The following TANGO6 variants were observed in gnomAD, a reference collection of about 807,000 sequenced individuals.
The protein encoded by TANGO6 is transport and Golgi organization protein 6 homolog.
Under a neutral mutation model 114.2 loss-of-function variants are expected in TANGO6, and 90 were observed. The observed-to-expected ratio is 0.79, with a 90% confidence interval of 0.66 to 0.94. The LOEUF (loss-of-function observed/expected upper bound fraction) is 0.94, where lower values mean the gene tolerates loss of function less well. TANGO6 is among the 40% of genes least tolerant of loss of function. The pLI is 0.00. For missense variants in TANGO6, 1,274 were observed against 1,315.3 expected, an observed-to-expected ratio of 0.97 and a Z score of 0.49; for synonymous variants, 477 against 509.8, an observed-to-expected ratio of 0.94 and a Z score of 0.87.
At chr16:68,907,233 C>T (rs1962864443) in intron 9 of TANGO6, among the ~76,000 whole-genome samples, 1 of 151,870 alleles carries the variant, frequency 6.6e-6, no homozygotes, top group Non-Finnish European at 1.5e-5. Context: ...AGGCGTGAGC[C>T]ACCGCGCCTG....
At chr16:68,987,796 G>A (rs1021793618) in intron 15 of TANGO6, among the ~76,000 whole-genome samples, 1 of 152,220 alleles carries the variant, frequency 6.6e-6, no homozygotes, top group Non-Finnish European at 1.5e-5. Context: ...TTTGTTCAAA[G>A]TGAATGGATG....
chr16:68,982,012 G>C, intron 15 of TANGO6, among the ~76,000 whole-genome samples: 1 of 152,166 alleles, frequency 6.6e-6, no homozygotes, highest in Non-Finnish European at 1.5e-5. Context: ...TGTTAGAACT[G>C]GCTGGGGAGG....
At chr16:69,062,820 G>A (rs1299691700) in intron 17 of TANGO6, among the ~76,000 whole-genome samples, 1 of 150,674 alleles carries the variant, frequency 6.6e-6, no homozygotes, top group Non-Finnish European at 1.5e-5. Context: ...AATCAGCCAG[G>A]CGCAGTGCCT....
intron 14 of TANGO6, among the ~76,000 whole-genome samples, chr16:68,955,334 G>C (rs1425048539): frequency 6.6e-6 from 1 of 152,132 alleles, no homozygotes; most frequent in South Asian, 2.1e-4. Context: ...TATTTGTCTT[G>C]CAATTCAGCA....
intron 12 of TANGO6, among the ~76,000 whole-genome samples, chr16:68,920,303 C>T (rs747489724): frequency 9.2e-5 from 14 of 152,084 alleles, no homozygotes; most frequent in African/African-American, 1.4e-4. Flanking sequence ...GAAGTGTAAG[C>T]GTAAGCTAAG....
intron 11 of TANGO6, among the ~76,000 whole-genome samples, chr16:68,918,448 C>T (rs1489909904): frequency 1.3e-5 from 2 of 152,142 alleles, no homozygotes. Context: ...CCAAGATCAT[C>T]TAGATTTTTC....
chr16:69,036,750 T>C (rs1438969368), intron 16 of TANGO6, among the ~76,000 whole-genome samples: 1 of 151,924 alleles, frequency 6.6e-6, no homozygotes, highest in Non-Finnish European at 1.5e-5. Context: ...ATCACTTGAG[T>C]CCAGGAGTTT....
intron 14 of TANGO6, among the ~76,000 whole-genome samples, chr16:68,935,637 A>G (rs1963291853): frequency 1.3e-5 from 2 of 152,338 alleles, no homozygotes; most frequent in South Asian, 4.1e-4. Context: ...TTCTTCAGGC[A>G]GAGAATTATG....
intron 17 of TANGO6, among the ~76,000 whole-genome samples, chr16:69,069,550 G>A (rs1422232766): frequency 6.6e-6 from 1 of 151,970 alleles, no homozygotes; most frequent in African/African-American, 2.4e-5. Flanking sequence ...CTTTTTTTCT[G>A]CCAGGACAAT....
At chr16:69,024,149 G>A (rs564525494) in intron 16 of TANGO6, among the ~76,000 whole-genome samples, 12 of 152,144 alleles carry the variant, frequency 7.9e-5, no homozygotes, top group African/African-American at 2.7e-4. Flanking sequence ...TGATCCACCT[G>A]CCTCAGCCTC....
intron 15 of TANGO6, among the ~76,000 whole-genome samples, chr16:68,983,207 T>C (rs1230081704): frequency 1.3e-5 from 2 of 152,108 alleles, no homozygotes; most frequent in Admixed American, 6.6e-5. Context: ...GGGTCGGAAA[T>C]CCTTGGTGGA....
intron 14 of TANGO6, among the ~76,000 whole-genome samples, chr16:68,964,463 C>A (rs1963624453): frequency 6.6e-6 from 1 of 151,848 alleles, no homozygotes; most frequent in Admixed American, 6.6e-5. Flanking sequence ...CCCCTTTGTA[C>A]ACAAATAGTT....
At chr16:68,878,074 T>G in intron 5 of TANGO6, 44 bp from the exon 6 acceptor site, 1 of 1,555,438 alleles carries the variant, frequency 6.4e-7, no homozygotes, top group Non-Finnish European at 8.7e-7. Flanking sequence ...ACTGTCATAT[T>G]CCTTGCAAAA....
intron 7 of TANGO6, among the ~76,000 whole-genome samples, chr16:68,892,606 C>T (rs988472175): frequency 6.6e-6 from 1 of 151,752 alleles, no homozygotes; most frequent in African/African-American, 2.4e-5. Context: ...CCTCCGCCTC[C>T]TGGGTTCAAG....
At chr16:68,949,101 G>A (rs185017312) in intron 14 of TANGO6, among the ~76,000 whole-genome samples, 36 of 152,280 alleles carry the variant, frequency 2.4e-4, no homozygotes, top group African/African-American at 8.7e-4. Flanking sequence ...CTGGAGAAAC[G>A]CTTGAACCTG....
chr16:68,859,732 G>A (rs937892283), intron 1 of TANGO6, among the ~76,000 whole-genome samples, 152 bp from the exon 2 acceptor site: 1 of 152,222 alleles, frequency 6.6e-6, no homozygotes, highest in African/African-American at 2.4e-5. Context: ...TTCTTCATAG[G>A]CTGGGTTGGT....
At chr16:68,940,407 G>A (rs1197696446) in intron 14 of TANGO6, among the ~76,000 whole-genome samples, 3 of 152,032 alleles carry the variant, frequency 2.0e-5, no homozygotes, top group Admixed American at 2.0e-4. Flanking sequence ...GTTATTGACT[G>A]TGAAATTTTA....
intron 7 of TANGO6, among the ~76,000 whole-genome samples, chr16:68,893,239 C>T (rs372184593): frequency 1.8e-4 from 28 of 152,174 alleles, no homozygotes; most frequent in African/African-American, 5.3e-4. Flanking sequence ...AGATGAGATA[C>T]GAAAGAGGCC....
At chr16:68,958,513 G>A (rs1234789277) in intron 14 of TANGO6, among the ~76,000 whole-genome samples, 2 of 145,664 alleles carry the variant, frequency 1.4e-5, no homozygotes, top group Non-Finnish European at 3.0e-5. Context: ...AAAAGAGAGA[G>A]GAAGGAAGGA....
Sources: allele counts gnomAD v4.1 joint callset (sites outside exome capture counted in the v4.1 genomes callset), GRCh38; gene constraint gnomAD v4.1.1; transcripts MANE v1.5; gene names NCBI Gene and HGNC (gene_info 2026-07-23, HGNC 2026-07-21).